The following NRG1 variants were observed in gnomAD, a reference collection of about 807,000 sequenced individuals.
The protein encoded by NRG1 is neuregulin 1.
Under a neutral mutation model 63.8 loss-of-function variants are expected in NRG1, and 18 were observed. The ratio of observed to expected loss-of-function variants is 0.28; its 90% confidence interval spans 0.19 to 0.42. The LOEUF (loss-of-function observed/expected upper bound fraction) is 0.42, where lower values mean the gene tolerates loss of function less well. Ranked by LOEUF, NRG1 falls within the 10% of genes least tolerant of loss-of-function variation. NRG1 has a pLI of 1.00. For synonymous variants in NRG1, 302 were observed against 301.3 expected (o/e 1.00, Z -0.02); for missense variants, 762 against 814.7 (o/e 0.94, Z 0.79).
In NRG1 at chr8:32,272,152, G is replaced by T. The variant is rs560638260; in HGVS notation, c.38-323676G>T. ...GACTGAGGCTTAAACAAAGACATTTGTTTCCCACCATTCTGGAGGCTGGAA... is the reference window on the plus strand; with the variant it reads ...GACTGAGGCTTAAACAAAGACATTTTTTTCCCACCATTCTGGAGGCTGGAA... On this transcript the variant is annotated intron_variant, in intron 1 of 10. Coordinates refer to the NRG1 transcript ENST00000519301. 6.6e-5 allele frequency among the ~76,000 whole-genome samples: 10 copies of T among 152,206 alleles called. No individual in the cohort carries two copies. In the South Asian group the frequency reaches 1.2e-3, roughly 19 times the overall value.
intron 1 of NRG1, among the ~76,000 whole-genome samples, chr8:32,015,391 C>A (rs569776224): frequency 1.7e-4 from 26 of 152,208 alleles, no homozygotes; most frequent in African/African-American, 5.8e-4. Flanking sequence ...AAAGGAGGTA[C>A]CTGTTTGGTC....
chr8:31,867,903 A>G (rs1022129689), intron 1 of NRG1, among the ~76,000 whole-genome samples: 3 of 152,108 alleles, frequency 2.0e-5, no homozygotes, highest in Non-Finnish European at 4.4e-5. Flanking sequence ...ATGTCACTGA[A>G]GGTATATTGT....
intron 1 of NRG1, among the ~76,000 whole-genome samples, chr8:31,892,188 C>A (rs1237583304): frequency 6.6e-6 from 1 of 152,102 alleles, no homozygotes; most frequent in Non-Finnish European, 1.5e-5. Context: ...TTACACTGAT[C>A]TCTAATGAAA....
Position 31,867,750 on chromosome 8 carries a change from T to G in NRG1, c.37+228319T>G, listed in dbSNP as rs948304927. ...CTTTTGGGGAAACACTGTTATTTTT[T>G]AATTCCTGGCTTAAGAATTGTATTT... On this transcript the variant is annotated intron_variant, in intron 1 of 10. Transcript: ENST00000519301. 1.4e-4 allele frequency among the ~76,000 whole-genome samples: 22 copies of G among 152,186 alleles called. 1 individual carries two copies. The highest frequency in any genetic ancestry group is 1.4e-3 in the Admixed American group (22 of 15,242).
intron 1 of NRG1, among the ~76,000 whole-genome samples, chr8:31,990,896 A>G (rs994741008): frequency 6.6e-6 from 1 of 152,122 alleles, no homozygotes; most frequent in African/African-American, 2.4e-5. Flanking sequence ...CCTTGGGCAC[A>G]GATGAAACTG....
At chr8:31,823,059 C>T (rs1824157647) in intron 1 of NRG1, among the ~76,000 whole-genome samples, 1 of 150,784 alleles carries the variant, frequency 6.6e-6, no homozygotes, top group African/African-American at 2.4e-5. Flanking sequence ...CAATTATGAC[C>T]AAAGGTATGT....
intron 1 of NRG1, among the ~76,000 whole-genome samples, chr8:32,176,524 A>G (rs1468889735): frequency 6.6e-6 from 1 of 152,216 alleles, no homozygotes; most frequent in Admixed American, 6.5e-5. Flanking sequence ...AGAAACTACC[A>G]TCAGAGTAAA....
rs942581307 is a variant in NRG1, at chr8:32,200,075, G to A, written c.38-395753G>A. Among the ~76,000 whole-genome samples, 12 of 152,156 alleles carry A rather than the reference G, an allele frequency of 7.9e-5. No homozygotes were observed. The East Asian group carries it at 1.2e-3, about 15-fold the overall frequency. ...ATTACAGGCATTAGCCACTGCACCCGGCCTGTTTTAAACATTTAATGGACT... is the reference window on the plus strand; with the variant it reads ...ATTACAGGCATTAGCCACTGCACCCAGCCTGTTTTAAACATTTAATGGACT... On this transcript the variant is annotated intron_variant, in intron 1 of 10. Coordinates refer to the NRG1 transcript ENST00000519301.
At chr8:32,462,811 C>T (rs1306633884) in intron 1 of NRG1, among the ~76,000 whole-genome samples, 1 of 151,898 alleles carries the variant, frequency 6.6e-6, no homozygotes, top group Non-Finnish European at 1.5e-5. Context: ...ACCATGTTGG[C>T]CAGGCTGGTC....
intron 1 of NRG1, among the ~76,000 whole-genome samples, chr8:31,976,915 T>C (rs1586205861): frequency 6.6e-6 from 1 of 152,178 alleles, no homozygotes; most frequent in East Asian, 1.9e-4. Flanking sequence ...GATTCATATC[T>C]CTTGATTATC....
At chr8:32,001,037 G>A (rs988082711) in intron 1 of NRG1, among the ~76,000 whole-genome samples, 4 of 152,158 alleles carry the variant, frequency 2.6e-5, no homozygotes, top group South Asian at 4.1e-4. Context: ...GAAAAATTGT[G>A]AAGATACTAC....
intron 1 of NRG1, among the ~76,000 whole-genome samples, chr8:32,283,567 T>C (rs1853142721): frequency 6.6e-6 from 1 of 152,140 alleles, no homozygotes; most frequent in Admixed American, 6.5e-5. Context: ...TCAAAGGTAG[T>C]ACAAAACATC....
In NRG1 at chr8:32,088,603, C is replaced by T. The variant is rs963453564; in HGVS notation, c.37+449172C>T. Among the ~76,000 whole-genome samples the T allele has an allele frequency of 4.0e-5, 6 of 151,784 alleles. No homozygotes were observed. The East Asian group carries it at 7.8e-4, about 20-fold the overall frequency. On this transcript the variant is annotated intron_variant, in intron 1 of 10. Coordinates refer to the NRG1 transcript ENST00000519301. ...TGCGATCTGGGCTCATTGCAACCTC[C>T]GCCTCCTGGGTTCAAGCGATTTTTC...
In NRG1 at chr8:32,530,789, A is replaced by G. The variant is rs920339830; in HGVS notation, c.38-65039A>G. Among the ~76,000 whole-genome samples the G allele has an allele frequency of 2.6e-5, 4 of 152,142 alleles. 1 individual carries two copies. Among genetic ancestry groups the G allele is most frequent in the Admixed American group, 1.3e-4 (2 of 15,270 alleles). The stretch of plus-strand genomic sequence containing the variant: ...ATAATAATTGGGTATTCGGGGCTTA[A>G]AAGTTGTATTTGAAAGATGCAGCCA... On this transcript the variant is annotated intron_variant, in intron 1 of 10. Transcript: ENST00000519301.
exon 12 of NRG1, chr8:32,764,606 A>T (rs1373520774): frequency 2.2e-6 from 1 of 456,444 alleles, no homozygotes; most frequent in Admixed American, 4.0e-5. Context: ...AACGAGAAAG[A>T]TATCAATGGT....
intron 1 of NRG1, among the ~76,000 whole-genome samples, chr8:32,185,362 T>C (rs1841868320): frequency 6.6e-6 from 1 of 152,220 alleles, no homozygotes; most frequent in Admixed American, 6.5e-5. Flanking sequence ...CTGAATTCTT[T>C]CTTCCTTCCC....
chr8:32,395,479 G>A (rs932264360), intron 1 of NRG1, among the ~76,000 whole-genome samples: 3 of 151,964 alleles, frequency 2.0e-5, no homozygotes, highest in Admixed American at 1.3e-4. Flanking sequence ...TTTGCATTTC[G>A]CTAGTGACTA....
At chr8:32,564,077 T>C (rs943202456) in intron 1 of NRG1, among the ~76,000 whole-genome samples, 1 of 152,164 alleles carries the variant, frequency 6.6e-6, no homozygotes, top group Non-Finnish European at 1.5e-5. Context: ...TGATAAATCA[T>C]TTTGATGGCC....
chr8:32,048,384 AATATAT>A, intron 1 of NRG1, among the ~76,000 whole-genome samples: 1 of 147,352 alleles, frequency 6.8e-6, no homozygotes, highest in East Asian at 2.0e-4. Context: ...TATATGTATG[AATATAT>A]ATACATGTAC....
Sources: allele counts gnomAD v4.1 joint callset (sites outside exome capture counted in the v4.1 genomes callset), GRCh38; gene constraint gnomAD v4.1.1; transcripts MANE v1.5; gene names NCBI Gene and HGNC (gene_info 2026-07-23, HGNC 2026-07-21).